The following TBCK variants were observed in gnomAD, a reference collection of about 807,000 sequenced individuals.
TBCK encodes TBC domain-containing protein kinase-like protein.
In TBCK, 99 loss-of-function variants were observed where a neutral mutation model predicts 113.4. That is an observed-to-expected ratio of 0.87 (90% CI 0.74 to 1.03). The LOEUF is 1.03. Ranked by LOEUF, TBCK falls within the 50% of genes least tolerant of loss-of-function variation. TBCK has a pLI of 0.00. For missense variants in TBCK, 1,045 were observed against 1,061.3 expected, an observed-to-expected ratio of 0.98 and a Z score of 0.21; for synonymous variants, 369 against 370.8, an observed-to-expected ratio of 1.00 and a Z score of 0.05.
At chr4:106,188,637 AT>A (rs1753308754) in intron 22 of TBCK, among the ~76,000 whole-genome samples, 1 of 152,214 alleles carries the variant, frequency 6.6e-6, no homozygotes, top group African/African-American at 2.4e-5. Context: ...ATTCTTGACA[AT>A]TTGGGACCAG....
intron 3 of TBCK, among the ~76,000 whole-genome samples, chr4:106,273,012 A>C (rs1310712894): frequency 6.6e-6 from 1 of 152,178 alleles, no homozygotes; most frequent in Non-Finnish European, 1.5e-5. Flanking sequence ...AGCAATGATA[A>C]AGATAACCAT....
chr4:106,294,803 C>T (rs535521887), intron 3 of TBCK, among the ~76,000 whole-genome samples: 1 of 152,110 alleles, frequency 6.6e-6, no homozygotes, highest in Admixed American at 6.5e-5. Flanking sequence ...TTAATCTCAG[C>T]TAGTGAAATG....
At chr4:106,197,411 G>GTATATATATATATATATATA (rs1553957897) in intron 20 of TBCK, among the ~76,000 whole-genome samples, 1 of 122,444 alleles carries the variant, frequency 8.2e-6, no homozygotes, top group African/African-American at 3.1e-5. Flanking sequence ...GTGTGTGTGT[G>GTATATATATATATATATATA]TATATATATA....
rs532063167 is a variant in TBCK at position 106,099,584 on chromosome 4, T to A, written c.2412-3943A>T. On this transcript the variant is annotated intron_variant, in intron 24 of 25. Coordinates refer to ENST00000394708, the MANE Select transcript of TBCK (RefSeq NM_001163435.3). ...ATATAAAAATGATGTTTAGATATCA[T>A]GATTTTCTTTGCTAAATCTATTGAT... 5.9e-5 allele frequency among the ~76,000 whole-genome samples: 9 copies of A among 152,316 alleles called. No homozygotes were observed. The South Asian group carries it at 1.9e-3, about 32-fold the overall frequency.
Position 106,271,316 on chromosome 4 carries a change from T to C in TBCK, c.267-9104A>G, listed in dbSNP as rs188973418. On this transcript the variant is annotated intron_variant, in intron 3 of 25. Coordinates refer to ENST00000394708, the MANE Select transcript of TBCK (RefSeq NM_001163435.3). ...TAAAAATTGGAGAATAGTTATCTTT[T>C]ACCAATTCACAAAAAATATAATATT... Among the ~76,000 whole-genome samples the C allele has an allele frequency of 2.0e-5, 3 of 152,314 alleles. No individual in the cohort carries two copies. In the East Asian group the frequency reaches 5.8e-4, roughly 29 times the overall value.
At chr4:106,125,955 G>A (rs1029064676) in intron 23 of TBCK, among the ~76,000 whole-genome samples, 4 of 152,148 alleles carry the variant, frequency 2.6e-5, no homozygotes, top group African/African-American at 4.8e-5. Flanking sequence ...TCTATATAAA[G>A]TATTTAGAAT....
intron 24 of TBCK, among the ~76,000 whole-genome samples, chr4:106,107,779 C>T (rs1183916425): frequency 1.3e-5 from 2 of 151,862 alleles, no homozygotes; most frequent in African/African-American, 4.8e-5. Context: ...GAAATAATTA[C>T]AAAAATCAGG....
At chr4:106,143,352 T>C (rs1347706536) in intron 23 of TBCK, among the ~76,000 whole-genome samples, 1 of 152,202 alleles carries the variant, frequency 6.6e-6, no homozygotes, top group African/African-American at 2.4e-5. Context: ...AAAAGTGGCA[T>C]TTACTCATTT....
Position 106,136,776 on chromosome 4 carries a change from G to T in TBCK, c.2236-20398C>A, listed in dbSNP as rs893919040. On this transcript the variant is annotated intron_variant, in intron 23 of 25. Coordinates refer to ENST00000394708, the MANE Select transcript of TBCK (RefSeq NM_001163435.3). ...CCCTACTCTATAAATCACTGCCACT[G>T]GTCTCTTTCAATATACCATGAGCTC... 1.1e-4 allele frequency among the ~76,000 whole-genome samples: 16 copies of T among 140,686 alleles called. 2 individuals are homozygous for T. The highest frequency in any genetic ancestry group is 3.8e-4 in the African/African-American group (15 of 39,820). 92.3% of individuals were successfully genotyped at this position (140,686 alleles called of 152,430 possible).
chr4:106,107,851 G>A (rs4337798), intron 24 of TBCK, among the ~76,000 whole-genome samples: 31,018 of 152,002 alleles, frequency 0.2, 3,494 homozygotes, highest in South Asian at 0.27. Flanking sequence ...TCAGGAGTTG[G>A]TTTTTTGAAA....
At chr4:106,053,261 T>C (rs1735010195) in intron 25 of TBCK, among the ~76,000 whole-genome samples, 2 of 151,612 alleles carry the variant, frequency 1.3e-5, no homozygotes, top group South Asian at 4.2e-4. Context: ...AAGCCTATTC[T>C]CTCTCAAATT....
chr4:106,097,876 TAAAG>T (rs1303832271), intron 24 of TBCK, among the ~76,000 whole-genome samples: 1 of 151,992 alleles, frequency 6.6e-6, no homozygotes, highest in African/African-American at 2.4e-5. Context: ...AATAAATAAA[TAAAG>T]AGGAAAATAG....
intron 12 of TBCK, among the ~76,000 whole-genome samples, chr4:106,237,824 T>C (rs974083760): frequency 6.6e-6 from 1 of 152,118 alleles, no homozygotes; most frequent in African/African-American, 2.4e-5. Flanking sequence ...TACTGCATTA[T>C]TAATACACAT....
intron 2 of TBCK, among the ~76,000 whole-genome samples, chr4:106,303,872 T>C (rs896334056): frequency 9.2e-5 from 14 of 152,198 alleles, no homozygotes; most frequent in African/African-American, 3.4e-4. Context: ...TTTCGTGTCC[T>C]CTGCTCCACC....
chr4:106,206,394 A>C (rs534268307), intron 20 of TBCK, among the ~76,000 whole-genome samples: 2 of 152,294 alleles, frequency 1.3e-5, no homozygotes, highest in African/African-American at 4.8e-5. Context: ...CACTTTCTGA[A>C]AGGTAATCAA....
At position 106,141,149 on chromosome 4, in the gene TBCK, T is replaced by C. The variant is rs1357347233; in HGVS notation, c.2236-24771A>G. On this transcript the variant is annotated intron_variant, in intron 23 of 25. Coordinates refer to ENST00000394708, the MANE Select transcript of TBCK (RefSeq NM_001163435.3). The stretch of plus-strand genomic sequence containing the variant: ...AAGATAAAGATGTCCACCATTACCA[T>C]TGTTATTTAATATTGTTCTAGAGAA... Among the ~76,000 whole-genome samples, 6 of 140,582 alleles carry C rather than the reference T, an allele frequency of 4.3e-5. No individual in the cohort carries two copies. The East Asian group carries it at 1.2e-3, about 29-fold the overall frequency. 92.2% of individuals were successfully genotyped at this position (140,582 alleles called of 152,430 possible).
intron 3 of TBCK, among the ~76,000 whole-genome samples, chr4:106,287,023 G>T (rs1424246284): frequency 6.6e-6 from 1 of 151,520 alleles, no homozygotes; most frequent in Non-Finnish European, 1.5e-5. Flanking sequence ...TACAGGCAGA[G>T]GGGGAAATGT....
At chr4:106,306,761 C>T (rs1163919669) in intron 2 of TBCK, among the ~76,000 whole-genome samples, 1 of 152,130 alleles carries the variant, frequency 6.6e-6, no homozygotes, top group Non-Finnish European at 1.5e-5. Flanking sequence ...CCAATTTGTT[C>T]CCTACAGAGA....
At chr4:106,118,018 A>C (rs993131642) in intron 23 of TBCK, among the ~76,000 whole-genome samples, 1 of 151,950 alleles carries the variant, frequency 6.6e-6, no homozygotes, top group Admixed American at 6.6e-5. Context: ...CAAAAAAAAA[A>C]AAAACAAAAA....
Sources: gnomAD v4.1 joint callset for allele counts (sites outside exome capture counted in the v4.1 genomes callset) on GRCh38, gnomAD v4.1.1 for gene constraint, MANE v1.5 for transcripts, NCBI Gene and HGNC (gene_info 2026-07-23, HGNC 2026-07-21) for gene names.